The following TLCD4 variants were observed in gnomAD, a reference collection of about 807,000 sequenced individuals.
TLCD4 encodes the protein TLC domain-containing protein 4.
Under a neutral mutation model 24.2 loss-of-function variants are expected in TLCD4, and 7 were observed. The ratio of observed to expected loss-of-function variants is 0.29; its 90% CI spans 0.16 to 0.54. TLCD4 has a LOEUF of 0.54. TLCD4 is among the 20% of genes least tolerant of loss of function. The probability of loss-of-function intolerance (pLI) is 0.95; values close to 1 mark genes in which losing one functional copy is unlikely to be tolerated. For missense variants in TLCD4, 259 were observed against 313.9 expected (o/e 0.82, Z 1.32); for synonymous variants, 103 against 106.4 (o/e 0.97, Z 0.20).
intron 6 of TLCD4, among the ~76,000 whole-genome samples, chr1:95,180,617 T>G (rs917357601): frequency 1.3e-5 from 2 of 152,220 alleles, no homozygotes; most frequent in African/African-American, 2.4e-5. Context: ...CAGTGAAATT[T>G]CTGCTGCTGA....
At chr1:95,106,071 G>A in the TLCD4 span, among the ~76,000 whole-genome samples, 10 of 152,066 alleles carry the variant, frequency 6.6e-5, no homozygotes. Flanking sequence ...GGATCCTGTA[G>A]CCATAGCCAT....
chr1:95,151,062 G>T (rs1337975320), intron 4 of TLCD4, among the ~76,000 whole-genome samples: 1 of 152,064 alleles, frequency 6.6e-6, no homozygotes, highest in African/African-American at 2.4e-5. Context: ...CTACATGCCA[G>T]GCCTTGTGCT....
At chr1:95,143,526 G>T (rs2100936318) in intron 1 of TLCD4, among the ~76,000 whole-genome samples, 1 of 152,166 alleles carries the variant, frequency 6.6e-6, no homozygotes, top group South Asian at 2.1e-4. Context: ...GAAATTGAGG[G>T]ATAAAGAAAT....
At chr1:95,121,797 A>G (rs956667467) in intron 1 of TLCD4, among the ~76,000 whole-genome samples, 4 of 152,216 alleles carry the variant, frequency 2.6e-5, no homozygotes, top group Non-Finnish European at 4.4e-5. Context: ...ACATTTTATA[A>G]AAGGGCTAGC....
intron 1 of TLCD4, among the ~76,000 whole-genome samples, chr1:95,128,669 A>T (rs1231414831): frequency 2.0e-5 from 3 of 152,118 alleles, no homozygotes; most frequent in Non-Finnish European, 4.4e-5. Context: ...AAAAATCTAT[A>T]TCAACAGAAC....
chr1:95,170,376 C>T (rs1226482028), intron 5 of TLCD4, among the ~76,000 whole-genome samples: 1 of 143,236 alleles, frequency 7.0e-6, no homozygotes, highest in Non-Finnish European at 1.5e-5. Flanking sequence ...GTCCCCCAGG[C>T]TGGAGTGCAG....
At chr1:95,122,454 G>A (rs565849889) in intron 1 of TLCD4, among the ~76,000 whole-genome samples, 13 of 152,238 alleles carry the variant, frequency 8.5e-5, no homozygotes, top group South Asian at 4.1e-4. Context: ...TTGATATTCC[G>A]ACCTAGTTGC....
the TLCD4 span, among the ~76,000 whole-genome samples, chr1:95,102,623 C>G: frequency 1.3e-5 from 2 of 152,082 alleles, no homozygotes; most frequent in Non-Finnish European, 2.9e-5. Flanking sequence ...AGATGGCATA[C>G]GTGGAATTGA....
chr1:95,130,385 G>A (rs2100914575), intron 1 of TLCD4, among the ~76,000 whole-genome samples: 2 of 152,192 alleles, frequency 1.3e-5, no homozygotes, highest in South Asian at 4.1e-4. Flanking sequence ...AACTCCTGAT[G>A]TTGTGATCCA....
chr1:95,116,400 A>T (rs1676430896), upstream of TLCD4, among the ~76,000 whole-genome samples: 1 of 152,228 alleles, frequency 6.6e-6, no homozygotes. Context: ...AATCTGCGGC[A>T]GATATGTGTG....
In TLCD4 at chr1:95,191,895, A is replaced by G. The variant is rs753701254; in HGVS notation, c.*27A>G. ...AGAGTGCTACCGATAAGCAAACTTCATTACTACCCAGCATATCTGCTGATA... is the reference window on the plus strand; with the variant it reads ...AGAGTGCTACCGATAAGCAAACTTCGTTACTACCCAGCATATCTGCTGATA... On this transcript the variant is annotated 3_prime_UTR_variant, in exon 7 of 7. Coordinates refer to ENST00000370203, the MANE Select transcript of TLCD4 (RefSeq NM_152487.3). 6.3e-7 allele frequency: 1 copy of G among 1,596,370 alleles called. No individual in the cohort carries two copies. Among genetic ancestry groups the G allele is most frequent in the Non-Finnish European group, 8.5e-7 (1 of 1,171,804 alleles).
At chr1:95,113,144 G>A (rs1676369976), upstream of TLCD4, among the ~76,000 whole-genome samples, 2 of 151,530 alleles carry the variant, frequency 1.3e-5, no homozygotes, top group Non-Finnish European at 2.9e-5. Flanking sequence ...CTGGGTTCAA[G>A]CGATTCTCCT....
At chr1:95,137,414 T>C (rs1677074669) in intron 1 of TLCD4, among the ~76,000 whole-genome samples, 1 of 152,098 alleles carries the variant, frequency 6.6e-6, no homozygotes, top group South Asian at 2.1e-4. Context: ...ACTCCAGCAG[T>C]GGTTCTCACT....
the TLCD4 span, among the ~76,000 whole-genome samples, chr1:95,098,793 G>A: frequency 2.0e-4 from 30 of 152,146 alleles, no homozygotes; most frequent in African/African-American, 6.3e-4. Flanking sequence ...GGCTGGGTGC[G>A]GTGGCTCACA....
chr1:95,129,296 T>C (rs932466034), intron 1 of TLCD4, among the ~76,000 whole-genome samples: 1 of 152,208 alleles, frequency 6.6e-6, no homozygotes, highest in African/African-American at 2.4e-5. Flanking sequence ...GAGTAAGGGC[T>C]GAAGAAATAG....
intron 5 of TLCD4, among the ~76,000 whole-genome samples, chr1:95,167,122 C>T (rs1393592345): frequency 6.6e-6 from 1 of 151,880 alleles, no homozygotes; most frequent in Non-Finnish European, 1.5e-5. Flanking sequence ...GTATGCGTCT[C>T]ATTTTATTCT....
chr1:95,159,937 C>T (rs1281030475), intron 5 of TLCD4, among the ~76,000 whole-genome samples: 1 of 152,172 alleles, frequency 6.6e-6, no homozygotes, highest in Non-Finnish European at 1.5e-5. Flanking sequence ...AGTCAGGTAG[C>T]ATGATGCCTC....
At chr1:95,176,198 CTT>C (rs71097253) in intron 6 of TLCD4, among the ~76,000 whole-genome samples, 72 of 141,816 alleles carry the variant, frequency 5.1e-4, no homozygotes, top group Admixed American at 5.0e-4. Flanking sequence ...CAATTTTTTC[CTT>C]TTTTTTTTTT....
At position 95,191,643 on chromosome 1, in the gene TLCD4, T is replaced by A. The variant is rs772296167; in HGVS notation, c.567T>A (p.Ile189=). The part of the protein sequence containing the change: ...LMTVVFFIVR[I]ASMLPHYGFM... ...CAGTAGTATTCTTCATCGTGCGGAT[T>A]GCCTCAATGCTTCCTCATTATGGCT... Residue 189 remains isoleucine (I), a synonymous_variant, in exon 7 of 7, where the codon ATT becomes ATA. Transcript: ENST00000370203. 1 of 1,614,212 alleles carries A rather than the reference T, an allele frequency of 6.2e-7. No individual in the cohort carries two copies. Among genetic ancestry groups the A allele is most frequent in the Admixed American group, 1.7e-5 (1 of 60,030 alleles).
Sources: gnomAD v4.1 joint callset for allele counts (sites outside exome capture counted in the v4.1 genomes callset) on GRCh38, gnomAD v4.1.1 for gene constraint, MANE v1.5 for transcripts, NCBI Gene and HGNC (gene_info 2026-07-23, HGNC 2026-07-21) for gene names.